Variants in CAPN13 observed in about 807,000 individuals in gnomAD.
CAPN13 encodes the protein calpain 13.
A neutral mutation model predicts 98.4 loss-of-function variants in CAPN13; 90 were observed. The observed-to-expected ratio is 0.92, with a 90% confidence interval of 0.77 to 1.09. The LOEUF (loss-of-function observed/expected upper bound fraction) is 1.09. Ranked by LOEUF, CAPN13 falls within the 50% of genes least tolerant of loss-of-function variation. The pLI, the probability that CAPN13 is intolerant of heterozygous loss-of-function variation, is 0.00. For missense variants in CAPN13, 887 were observed against 841.3 expected (o/e 1.05, Z -0.67); for synonymous variants, 330 against 305.5 (o/e 1.08, Z -0.84).
chr2:30,774,435 GA>G (rs1673580553), intron 4 of CAPN13, among the ~76,000 whole-genome samples: 1 of 151,740 alleles, frequency 6.6e-6, no homozygotes, highest in Non-Finnish European at 1.5e-5. Context: ...GCGGAATTAA[GA>G]AAAAAAGGAA....
chr2:30,752,709 T>C (rs1316992845), intron 10 of CAPN13, among the ~76,000 whole-genome samples: 1 of 152,186 alleles, frequency 6.6e-6, no homozygotes, highest in Non-Finnish European at 1.5e-5. Context: ...GCCCTGACAC[T>C]TTTCCTGTGT....
intron 11 of CAPN13, among the ~76,000 whole-genome samples, chr2:30,747,477 G>A (rs1180729316): frequency 6.6e-6 from 1 of 152,232 alleles, no homozygotes. Context: ...GAGGAAGGTG[G>A]AAAGTCCAGG....
chr2:30,733,333 C>CTCTCCTGCTTGCCA (rs1671198447), intron 19 of CAPN13, among the ~76,000 whole-genome samples: 3 of 24,198 alleles, frequency 1.2e-4, no homozygotes, highest in African/African-American at 7.2e-4. Context: ...AAGCCAGGTC[C>CTCTCCTGCTTGCCA]TGTTCTCAGT....
At chr2:30,728,397 G>A (rs771333881) in intron 22 of CAPN13, among the ~76,000 whole-genome samples, 2 of 152,054 alleles carry the variant, frequency 1.3e-5, no homozygotes, top group Non-Finnish European at 2.9e-5. Context: ...TGACTGGGGA[G>A]GGGTGATATG....
chr2:30,797,141 A>G (rs1674928701), intron 1 of CAPN13, among the ~76,000 whole-genome samples: 1 of 152,158 alleles, frequency 6.6e-6, no homozygotes, highest in African/African-American at 2.4e-5. Context: ...ACTGGACAGA[A>G]GGCCGACTGA....
rs747360211 is a variant in CAPN13 at position 30,738,317 on chromosome 2, A to T, written c.1595-24T>A. On this transcript the variant is annotated intron_variant, in intron 16 of 22. Coordinates refer to ENST00000295055, the MANE Select transcript of CAPN13 (RefSeq NM_144575.3). The stretch of plus-strand genomic sequence containing the variant: ...TCCTGAGGAGAGAAGGACAGGAAGG[A>T]CTGAAGTGTTGACAGTGGGGTGTGG... 27 of 1,613,770 alleles carry T rather than the reference A, an allele frequency of 1.7e-5. No individual in the cohort carries two copies. The Admixed American group carries it at 4.5e-4, about 27-fold the overall frequency.
intron 8 of CAPN13, among the ~76,000 whole-genome samples, chr2:30,757,757 C>A (rs560694363): frequency 6.6e-6 from 1 of 152,358 alleles, no homozygotes; most frequent in South Asian, 2.1e-4. Flanking sequence ...CTGCTGTAGA[C>A]TGTAACCTTC....
rs753854340 is a variant in CAPN13, at chr2:30,743,335, AT to A, written c.1445+47del. 4 of 1,518,812 alleles carry A rather than the reference AT, an allele frequency of 2.6e-6. No homozygotes were observed. The South Asian group carries it at 4.5e-5, about 17-fold the overall frequency. 94.1% of individuals were successfully genotyped at this position (1,518,812 alleles called of 1,614,324 possible). A position where few individuals can be genotyped will look rare whatever the true frequency, so the allele number is the denominator to read the frequency against. ...GCCCATAATTACACAATGTGTTTTT[AT>A]AAAGTTAAGTAGAATAAAACATTTA... is the stretch of plus-strand genomic sequence containing the variant. On this transcript the variant is annotated intron_variant, in intron 13 of 22. Transcript: ENST00000295055.
chr2:30,788,322 A>G (rs1356605735), intron 1 of CAPN13, among the ~76,000 whole-genome samples: 1 of 152,202 alleles, frequency 6.6e-6, no homozygotes, highest in East Asian at 1.9e-4. Context: ...GGCATGCAGT[A>G]GTCCCTCAGT....
chr2:30,782,409 C>A (rs1190860733), intron 2 of CAPN13, among the ~76,000 whole-genome samples: 1 of 152,224 alleles, frequency 6.6e-6, no homozygotes, highest in East Asian at 1.9e-4. Flanking sequence ...TCAAAGTTCT[C>A]TGGCTGAATG....
At chr2:30,747,712 C>T (rs542920398) in intron 11 of CAPN13, among the ~76,000 whole-genome samples, 2 of 152,314 alleles carry the variant, frequency 1.3e-5, no homozygotes, top group East Asian at 3.9e-4. Context: ...CCATTTGAGC[C>T]CTGGAGCCTT....
intron 1 of CAPN13, chr2:30,806,148 C>T (rs1230956771): frequency 6.6e-6 from 1 of 152,106 alleles, no homozygotes; most frequent in African/African-American, 2.4e-5. Context: ...CTGAATACAA[C>T]CAAATAACTA....
intron 1 of CAPN13, among the ~76,000 whole-genome samples, chr2:30,793,800 A>C (rs1422319070): frequency 1.3e-5 from 2 of 151,858 alleles, no homozygotes; most frequent in African/African-American, 4.8e-5. Context: ...AATTTGAGAG[A>C]GGTTTCAAGG....
At chr2:30,733,089 C>T (rs1367841289) in intron 19 of CAPN13, among the ~76,000 whole-genome samples, 1 of 152,142 alleles carries the variant, frequency 6.6e-6, no homozygotes, top group Non-Finnish European at 1.5e-5. Context: ...AGCTCAGCGC[C>T]TTGTCATCCT....
intron 1 of CAPN13, among the ~76,000 whole-genome samples, chr2:30,796,198 G>GTGTATATATATATACACATATATA (rs1320138372): frequency 3.8e-5 from 5 of 132,712 alleles, no homozygotes; most frequent in African/African-American, 3.3e-5. Context: ...ATATATGTGT[G>GTGTATATATATATACACATATATA]TGTATATATA....
chr2:30,749,123 A>G (rs1027473150), intron 11 of CAPN13, among the ~76,000 whole-genome samples: 4 of 152,194 alleles, frequency 2.6e-5, no homozygotes, highest in Non-Finnish European at 4.4e-5. Context: ...TGCTTTTGAG[A>G]CAATGAATGT....
chr2:30,771,089 C>T (rs903330069), intron 4 of CAPN13, among the ~76,000 whole-genome samples: 6 of 152,208 alleles, frequency 3.9e-5, no homozygotes, highest in African/African-American at 9.6e-5. Context: ...TGGCTGGCAT[C>T]GCTACTGCTA....
chr2:30,783,416 A>G (rs534434720), intron 2 of CAPN13, among the ~76,000 whole-genome samples: 37 of 152,280 alleles, frequency 2.4e-4, no homozygotes, highest in African/African-American at 8.7e-4. Context: ...AACAGAATAA[A>G]GCAGGATGTG....
intron 5 of CAPN13, among the ~76,000 whole-genome samples, chr2:30,766,595 A>C (rs1285473154): frequency 6.6e-6 from 1 of 152,146 alleles, no homozygotes; most frequent in Non-Finnish European, 1.5e-5. Context: ...AGCCACCACT[A>C]TTCCTCGTCA....
Sources: gnomAD v4.1 joint callset for allele counts (sites outside exome capture counted in the v4.1 genomes callset) on GRCh38, gnomAD v4.1.1 for gene constraint, MANE v1.5 for transcripts, NCBI Gene and HGNC (gene_info 2026-07-23, HGNC 2026-07-21) for gene names.